Variants in TRPC3 observed in about 807,000 individuals in gnomAD.
The protein encoded by TRPC3 is transient receptor potential cation channel subfamily C member 3, also known as short transient receptor potential channel 3.
TRPC3 carries 54 observed loss-of-function variants against 90.9 expected under a neutral mutation model. The observed-to-expected ratio is 0.59, with a 90% CI of 0.48 to 0.75. The LOEUF is 0.75. Ranked by LOEUF, TRPC3 falls within the 30% of genes least tolerant of loss-of-function variation. TRPC3 has a pLI of 0.00. For missense variants in TRPC3, 918 were observed against 1,194.5 expected (o/e 0.77, Z 3.41); for synonymous variants, 424 against 450.9 (o/e 0.94, Z 0.75).
At position 121,900,911 on chromosome 4, in the gene TRPC3, A is replaced by G. The variant is rs552394200; in HGVS notation, c.2464-1216T>C. On this transcript the variant is annotated intron_variant, in intron 9 of 11. Coordinates refer to ENST00000379645, the MANE Select transcript of TRPC3 (RefSeq NM_001130698.2). ...TCCAGCATCTTCTCTGAGAAAAGCT[A>G]TTCTTTCCTGTCAATGGTACGATAC... Among the ~76,000 whole-genome samples, 6 of 152,290 alleles carry G rather than the reference A, an allele frequency of 3.9e-5. No homozygotes were observed. The East Asian group carries it at 1.2e-3, about 29-fold the overall frequency.
chr4:121,940,916 G>A lies in TRPC3; in HGVS notation c.216-7874C>T, dbSNP rs1452135424. Among the ~76,000 whole-genome samples the A allele has an allele frequency of 5.3e-5, 8 of 152,066 alleles. No individual in the cohort carries two copies. The South Asian group carries it at 1.4e-3, about 28-fold the overall frequency. On this transcript the variant is annotated intron_variant, in intron 1 of 11. Transcript: ENST00000379645. ...TCTCTACTGTACCTAATACAATGTA[G>A]TATATGTTCAAAAATACTTGGCAAT...
At position 121,925,347 on chromosome 4, in the gene TRPC3, G is replaced by A. The variant is rs1249085244; in HGVS notation, c.988-141C>T. On this transcript the variant is annotated intron_variant, in intron 2 of 11. Coordinates refer to ENST00000379645, the MANE Select transcript of TRPC3 (RefSeq NM_001130698.2). ...ACCTGGATGCAAGGCTTGTTGAGCT[G>A]AATACAGGCTGGATTTGCACCCACC... The A allele has an allele frequency of 6.7e-6, 6 of 896,226 alleles. No individual in the cohort carries two copies. The East Asian group carries it at 1.7e-4, about 25-fold the overall frequency. The allele number at this position is 896,226 out of a possible 1,614,324, so 55.5% of individuals were successfully genotyped here.
At chr4:121,883,482 C>G (rs924471079) in intron 10 of TRPC3, among the ~76,000 whole-genome samples, 2 of 151,934 alleles carry the variant, frequency 1.3e-5, no homozygotes, top group Non-Finnish European at 1.5e-5. Flanking sequence ...AAAAGACAAA[C>G]AAATGTTTCA....
Position 121,879,587 on chromosome 4 carries a change from T to C in TRPC3, c.*149A>G. On this transcript the variant is annotated 3_prime_UTR_variant, in exon 12 of 12. Coordinates refer to ENST00000379645, the MANE Select transcript of TRPC3 (RefSeq NM_001130698.2). ...AATGCATTTTCATGTGATAAAACAA[T>C]AAAACCATTAAGAGCTAACTTTTAA... 2 of 814,966 alleles carry C rather than the reference T, an allele frequency of 2.5e-6. No homozygotes were observed. The highest frequency in any genetic ancestry group is 1.9e-5 in the South Asian group (1 of 52,444). 50.5% of individuals were successfully genotyped at this position (814,966 alleles called of 1,614,324 possible). A position where few individuals can be genotyped will look rare whatever the true frequency, so the allele number is the denominator to read the frequency against.
Position 121,911,900 on chromosome 4 carries a change from A to G in TRPC3, c.1535T>C (p.Met512Thr), listed in dbSNP as rs1270125356. The G allele has an allele frequency of 1.2e-6, 2 of 1,613,422 alleles. No individual in the cohort carries two copies. The highest frequency in any genetic ancestry group is 1.3e-5 in the African/African-American group (1 of 74,888). Reference sequence around the variant, plus strand: ...ACCAAGAACCCAGACCATAATTAGCATTTCAGTCCATGTAAACTGGGTGGT... The same window carrying G: ...ACCAAGAACCCAGACCATAATTAGCGTTTCAGTCCATGTAAACTGGGTGGT... ...VKTTQFTWTE[M>T]LIMVWVLGMM... The change falls in exon 5 of 12, where the codon ATG becomes ACG. Residue 512 changes from methionine to threonine, a missense_variant. Met to Thr is a moderately conservative substitution (Grantham distance 81). This residue lies in a region of TRPC3 where 609 missense variants were observed against 725.9 expected (regional missense o/e 0.84). Coordinates refer to ENST00000379645, the MANE Select transcript of TRPC3 (RefSeq NM_001130698.2).
At chr4:121,918,072 T>C (rs769054423) in intron 3 of TRPC3, among the ~76,000 whole-genome samples, 3 of 152,174 alleles carry the variant, frequency 2.0e-5, no homozygotes, top group Non-Finnish European at 4.4e-5. Context: ...GATTAGGCCA[T>C]GAGGGCTGCT....
intron 1 of TRPC3, among the ~76,000 whole-genome samples, chr4:121,943,984 C>T (rs1241388288): frequency 6.6e-6 from 1 of 151,976 alleles, no homozygotes; most frequent in Non-Finnish European, 1.5e-5. Flanking sequence ...AAATTAAACA[C>T]AAAATGCTAT....
chr4:121,898,823 A>C (rs538597858), intron 10 of TRPC3, among the ~76,000 whole-genome samples: 18 of 152,260 alleles, frequency 1.2e-4, no homozygotes, highest in Non-Finnish European at 1.5e-4. Context: ...AGTTAGACAA[A>C]ACCAATAAAA....
intron 11 of TRPC3, among the ~76,000 whole-genome samples, chr4:121,881,297 C>G (rs551363961): frequency 6.6e-6 from 1 of 152,228 alleles, no homozygotes; most frequent in African/African-American, 2.4e-5. Flanking sequence ...ACTCCAAATT[C>G]TCATTGATTT....
rs1343709949 is a variant in TRPC3, at chr4:121,879,068, C to T, written c.*668G>A. 1 of 152,082 alleles carries T rather than the reference C, an allele frequency of 6.6e-6. No individual in the cohort carries two copies. Among genetic ancestry groups the T allele is most frequent in the Non-Finnish European group, 1.5e-5 (1 of 68,012 alleles). 9.4% of individuals were successfully genotyped at this position (152,082 alleles called of 1,614,324 possible). A position where few individuals can be genotyped will look rare whatever the true frequency, so the allele number is the denominator to read the frequency against. Reference sequence around the variant, plus strand: ...CTTTAATGTGTTGTTTTAAATAATTCTATGAAACTTAAATATACAATGTAA... The same window carrying T: ...CTTTAATGTGTTGTTTTAAATAATTTTATGAAACTTAAATATACAATGTAA... On this transcript the variant is annotated 3_prime_UTR_variant, in exon 12 of 12. Coordinates refer to ENST00000379645, the MANE Select transcript of TRPC3 (RefSeq NM_001130698.2).
intron 3 of TRPC3, 132 bp from the exon 4 acceptor site, chr4:121,915,076 G>A: frequency 1.4e-6 from 1 of 731,364 alleles, no homozygotes; most frequent in Non-Finnish European, 2.0e-6. Context: ...ATTGGTACTG[G>A]AAGGTTCTGG....
intron 3 of TRPC3, among the ~76,000 whole-genome samples, chr4:121,923,306 TG>T (rs770637528): frequency 2.6e-5 from 4 of 152,228 alleles, no homozygotes; most frequent in Non-Finnish European, 4.4e-5. Flanking sequence ...TGCCTGGTTC[TG>T]GGTGAGGTTT....
chr4:121,898,875 A>T (rs1348132799), intron 10 of TRPC3, among the ~76,000 whole-genome samples: 1 of 151,758 alleles, frequency 6.6e-6, no homozygotes, highest in Admixed American at 6.6e-5. Context: ...AATTTTCTTA[A>T]AAAAAAGACT....
chr4:121,904,358 T>G lies in TRPC3; in HGVS notation c.2217A>C (p.Leu739=). 1 of 1,599,454 alleles carries G rather than the reference T, an allele frequency of 6.3e-7. No homozygotes were observed. Among genetic ancestry groups the G allele is most frequent in the Non-Finnish European group, 8.5e-7 (1 of 1,176,462 alleles). ...GATATGAGCTATTAATCATAGCAAT[T>G]AGCATGTTGAGTAAAACGACCACCA... The part of the protein sequence containing the change: ...VTMVVVLLNM[L]IAMINSSYQE... The change falls in exon 8 of 12, where the codon CTA becomes CTC. Residue 739 remains leucine, a synonymous_variant. Coordinates refer to ENST00000379645, the MANE Select transcript of TRPC3 (RefSeq NM_001130698.2).
chr4:121,891,583 C>G (rs990544935), intron 10 of TRPC3, among the ~76,000 whole-genome samples: 1 of 152,134 alleles, frequency 6.6e-6, no homozygotes, highest in Non-Finnish European at 1.5e-5. Flanking sequence ...GTTCTCTGCC[C>G]TAACCCATCT....
At chr4:121,903,326 A>G (rs1356761008) in intron 8 of TRPC3, among the ~76,000 whole-genome samples, 1 of 152,184 alleles carries the variant, frequency 6.6e-6, no homozygotes, top group Non-Finnish European at 1.5e-5. Context: ...GGCAAAAAAG[A>G]CAAGAAAAAT....
intron 11 of TRPC3, among the ~76,000 whole-genome samples, chr4:121,881,495 C>A (rs1050682839): frequency 6.6e-6 from 1 of 152,118 alleles, no homozygotes; most frequent in Non-Finnish European, 1.5e-5. Flanking sequence ...ATTAGGTCAC[C>A]ATGATTAGAT....
intron 1 of TRPC3, among the ~76,000 whole-genome samples, chr4:121,941,469 G>T (rs144441003): frequency 5.3e-5 from 8 of 152,330 alleles, no homozygotes; most frequent in African/African-American, 1.9e-4. Context: ...CAGAAGATAA[G>T]TAGTGAGAAA....
Position 121,951,832 on chromosome 4 carries a change from C to T in TRPC3, c.-152G>A. 4.0e-6 allele frequency: 2 copies of T among 504,646 alleles called. No homozygotes were observed. Among genetic ancestry groups the T allele is most frequent in the Middle Eastern group, 5.7e-4 (1 of 1,758 alleles). The allele number at this position is 504,646 out of a possible 1,614,324, so 31.3% of individuals were successfully genotyped here. A position where few individuals can be genotyped will look rare whatever the true frequency, so the allele number is the denominator to read the frequency against. On this transcript the variant is annotated 5_prime_UTR_variant, in exon 1 of 12. Coordinates refer to ENST00000379645, the MANE Select transcript of TRPC3 (RefSeq NM_001130698.2). This position sits in a 1 kb window ranked among gnomAD's most constrained non-coding sequence, Gnocchi z 4.4. ...GCGGGAAGGCAGGAGCGGAGAGCGTCGCGGCCCGCGATCCAGCAGTTAGAG... is the reference window on the plus strand; with the variant it reads ...GCGGGAAGGCAGGAGCGGAGAGCGTTGCGGCCCGCGATCCAGCAGTTAGAG...
Sources: gnomAD v4.1 joint callset for allele counts (sites outside exome capture counted in the v4.1 genomes callset) on GRCh38, gnomAD v4.1.1 for gene constraint, gnomAD v4.1.1 regional missense constraint, Gnocchi (gnomAD v3.1) non-coding constraint, MANE v1.5 for transcripts, NCBI Gene and HGNC (gene_info 2026-07-23, HGNC 2026-07-21) for gene names.